Variants in PACRG observed in about 807,000 individuals in gnomAD.
PACRG encodes parkin coregulated gene protein.
Under a neutral mutation model 29.7 loss-of-function variants are expected in PACRG, and 29 were observed. The ratio of observed to expected loss-of-function variants is 0.98; its 90% CI spans 0.73 to 1.33. PACRG has a LOEUF of 1.33. Among genes scored for constraint, PACRG ranks in the 40% most tolerant of loss-of-function variants. The pLI is 0.00. For synonymous variants in PACRG, 116 were observed against 118.7 expected, an observed-to-expected ratio of 0.98 and a Z score of 0.15; for missense variants, 279 against 316.2, an observed-to-expected ratio of 0.88 and a Z score of 0.89.
At chr6:162,862,767 C>G (rs1791971725) in intron 2 of PACRG, among the ~76,000 whole-genome samples, 1 of 152,144 alleles carries the variant, frequency 6.6e-6, no homozygotes, top group African/African-American at 2.4e-5. Context: ...AAGAGAGCCA[C>G]TTTGGGGAAG....
intron 2 of PACRG, among the ~76,000 whole-genome samples, chr6:163,042,174 C>T (rs768209182): frequency 6.6e-6 from 1 of 152,070 alleles, no homozygotes; most frequent in African/African-American, 2.4e-5. Context: ...ACACATATTG[C>T]AGCTGGAACG....
At chr6:163,266,305 A>T (rs921471246) in intron 4 of PACRG, among the ~76,000 whole-genome samples, 4 of 152,250 alleles carry the variant, frequency 2.6e-5, no homozygotes, top group African/African-American at 9.6e-5. Context: ...GGTAAATAGG[A>T]TATCTCGTAA....
At chr6:162,764,487 A>T (rs560650377) in intron 1 of PACRG, among the ~76,000 whole-genome samples, 45 of 152,318 alleles carry the variant, frequency 3.0e-4, no homozygotes, top group Admixed American at 1.2e-3. Context: ...ACAATTTAGA[A>T]GCAGAAATGT....
intron 2 of PACRG, among the ~76,000 whole-genome samples, chr6:162,876,493 C>A (rs1793366027): frequency 6.6e-6 from 1 of 152,206 alleles, no homozygotes; most frequent in Non-Finnish European, 1.5e-5. Flanking sequence ...TGTTTGATGG[C>A]CGCATAAATG....
chr6:163,042,941 T>C (rs1263968268), intron 2 of PACRG: 2 of 152,246 alleles, frequency 1.3e-5, no homozygotes, highest in African/African-American at 4.8e-5. Flanking sequence ...CATTTAGAAG[T>C]ACATTATTGT....
intron 2 of PACRG, among the ~76,000 whole-genome samples, chr6:162,898,261 G>GA (rs1795310103): frequency 1.3e-5 from 2 of 152,150 alleles, no homozygotes; most frequent in South Asian, 4.1e-4. Flanking sequence ...CTGCTGAGTG[G>GA]GTTGCTGTAG....
chr6:163,186,851 T>C (rs879650645), intron 4 of PACRG, among the ~76,000 whole-genome samples: 4 of 152,218 alleles, frequency 2.6e-5, no homozygotes, highest in Admixed American at 2.6e-4. Context: ...CAGGAGGTAT[T>C]TAGTCGGCCT....
At chr6:162,786,003 G>T (rs534854684) in intron 1 of PACRG, among the ~76,000 whole-genome samples, 1 of 152,188 alleles carries the variant, frequency 6.6e-6, no homozygotes, top group Non-Finnish European at 1.5e-5. Flanking sequence ...GAGTAATTGC[G>T]CAAGGTCTTC....
chr6:162,990,564 T>C (rs9355419), intron 2 of PACRG, among the ~76,000 whole-genome samples: 24,631 of 81,286 alleles, frequency 0.3, 3,627 homozygotes, highest in African/African-American at 0.54. Context: ...TCATGTCCTT[T>C]GCCCACTTTT....
intron 4 of PACRG, among the ~76,000 whole-genome samples, chr6:163,119,735 C>G (rs1816181393): frequency 6.6e-6 from 1 of 152,148 alleles, no homozygotes; most frequent in Admixed American, 6.5e-5. Flanking sequence ...CTTGTAACAT[C>G]TTAATAGTGA....
At chr6:162,746,951 A>G (rs1011385523) in intron 1 of PACRG, among the ~76,000 whole-genome samples, 1 of 152,166 alleles carries the variant, frequency 6.6e-6, no homozygotes, top group Non-Finnish European at 1.5e-5. Flanking sequence ...TCAACACTTG[A>G]TACTGCAACA....
intron 4 of PACRG, among the ~76,000 whole-genome samples, chr6:163,147,063 A>T (rs1213707746): frequency 6.6e-6 from 1 of 152,096 alleles, no homozygotes; most frequent in East Asian, 1.9e-4. Context: ...CCCCTTATGA[A>T]GTTTATCAGC....
chr6:163,255,678 C>T (rs1783078382), intron 4 of PACRG, among the ~76,000 whole-genome samples: 1 of 152,032 alleles, frequency 6.6e-6, no homozygotes, highest in Non-Finnish European at 1.5e-5. Context: ...GCTCTGTCAC[C>T]CAGGCTGGAG....
intron 4 of PACRG, among the ~76,000 whole-genome samples, chr6:163,102,556 A>G (rs563970953): frequency 9.9e-5 from 15 of 152,268 alleles, no homozygotes; most frequent in African/African-American, 3.6e-4. Context: ...TGAAATTTCT[A>G]AGAGTATTTT....
intron 2 of PACRG, among the ~76,000 whole-genome samples, chr6:162,958,721 T>G (rs1800261361): frequency 7.0e-6 from 1 of 142,498 alleles, no homozygotes; most frequent in Non-Finnish European, 1.5e-5. Context: ...ACAATAAAAA[T>G]GGGTACACAT....
At chr6:163,233,037 G>T (rs1310311468) in intron 4 of PACRG, among the ~76,000 whole-genome samples, 1 of 152,248 alleles carries the variant, frequency 6.6e-6, no homozygotes, top group East Asian at 1.9e-4. Context: ...GGAGGAGATG[G>T]TCTCAGCAAC....
At chr6:163,175,801 A>G (rs1779325918) in intron 4 of PACRG, among the ~76,000 whole-genome samples, 1 of 150,268 alleles carries the variant, frequency 6.7e-6, no homozygotes, top group Non-Finnish European at 1.5e-5. Context: ...CTCAGGCTCA[A>G]TTTCCACTGA....
chr6:163,118,574 C>T (rs1816124390), intron 4 of PACRG, among the ~76,000 whole-genome samples: 1 of 152,216 alleles, frequency 6.6e-6, no homozygotes, highest in Admixed American at 6.5e-5. Context: ...CCTACCTTAC[C>T]TATGTCACTT....
At chr6:162,854,920 C>T (rs904322939) in intron 2 of PACRG, among the ~76,000 whole-genome samples, 1 of 152,210 alleles carries the variant, frequency 6.6e-6, no homozygotes, top group Non-Finnish European at 1.5e-5. Context: ...GCGTTTCTTC[C>T]GCCCTTCCTC....
Sources: gnomAD v4.1 joint callset for allele counts (sites outside exome capture counted in the v4.1 genomes callset) on GRCh38, gnomAD v4.1.1 for gene constraint, MANE v1.5 for transcripts, NCBI Gene and HGNC (gene_info 2026-07-23, HGNC 2026-07-21) for gene names.